The following PHLPP1 variants were observed in gnomAD, a reference collection of about 807,000 sequenced individuals.
The protein encoded by PHLPP1 is PH domain leucine-rich repeat-containing protein phosphatase 1.
A neutral mutation model predicts 117.2 loss-of-function variants in PHLPP1; 42 were observed. The ratio of observed to expected loss-of-function variants is 0.36; its 90% CI spans 0.28 to 0.46. The LOEUF (loss-of-function observed/expected upper bound fraction) is 0.46, where lower values mean the gene tolerates loss of function less well. Ranked by LOEUF, PHLPP1 falls within the 20% of genes least tolerant of loss-of-function variation. The pLI is 1.00. For synonymous variants in PHLPP1, 1,042 were observed against 970.7 expected, an observed-to-expected ratio of 1.07 and a Z score of -1.37; for missense variants, 2,084 against 2,241.9, an observed-to-expected ratio of 0.93 and a Z score of 1.42.
At chr18:62,850,171 C>T (rs1170699286) in intron 3 of PHLPP1, among the ~76,000 whole-genome samples, 1 of 151,084 alleles carries the variant, frequency 6.6e-6, no homozygotes, top group African/African-American at 2.4e-5. Context: ...AGGTGGATCA[C>T]AAGGTCAGGA....
At chr18:62,804,407 G>A (rs1329358020) in intron 1 of PHLPP1, among the ~76,000 whole-genome samples, 1 of 151,968 alleles carries the variant, frequency 6.6e-6, no homozygotes, top group Admixed American at 6.6e-5. Flanking sequence ...TTATTGGGTT[G>A]CCCTTTTTCA....
At chr18:62,743,888 A>C (rs142585290) in intron 1 of PHLPP1, among the ~76,000 whole-genome samples, 1 of 151,928 alleles carries the variant, frequency 6.6e-6, no homozygotes, top group African/African-American at 2.4e-5. Flanking sequence ...TGGTGGTTAC[A>C]TTGAAATTTT....
rs377035726 is a variant in PHLPP1 at position 62,972,732 on chromosome 18, C to T, written c.3755+24C>T. ...AGGTAAAACTCAGAGTTCCTGCTTA[C>T]CTGCTGTGTGTTTTCTTGCTCTTTG... On this transcript the variant is annotated intron_variant, in intron 15 of 16. Transcript: ENST00000262719. 3.3e-6 allele frequency: 5 copies of T among 1,537,984 alleles called. No individual in the cohort carries two copies. The African/African-American group carries it at 6.8e-5, about 21-fold the overall frequency.
At chr18:62,862,966 C>T (rs566779480) in intron 4 of PHLPP1, among the ~76,000 whole-genome samples, 3 of 151,834 alleles carry the variant, frequency 2.0e-5, no homozygotes, top group African/African-American at 4.8e-5. Flanking sequence ...GCAATCGAGA[C>T]TCTAATAAGG....
At chr18:62,954,840 C>T (rs1910567120) in intron 12 of PHLPP1, among the ~76,000 whole-genome samples, 1 of 152,124 alleles carries the variant, frequency 6.6e-6, no homozygotes, top group Non-Finnish European at 1.5e-5. Flanking sequence ...ACTGAAACAC[C>T]TTACAAGAGT....
rs1910691210 is a variant in PHLPP1 at position 62,715,613 on chromosome 18, C to T, written c.-71C>T. On this transcript the variant is annotated 5_prime_UTR_variant, in exon 1 of 17. Transcript: ENST00000262719. ...CTCCGCGCGCCGCCGCCGTCTCCCA[C>T]CTCCGCCTCATCGCCTCCCTCTCCG... 9.3e-7 allele frequency: 1 copy of T among 1,080,032 alleles called. No homozygotes were observed. Among genetic ancestry groups the T allele is most frequent in the Non-Finnish European group, 1.2e-6 (1 of 843,584 alleles). The allele number at this position is 1,080,032 out of a possible 1,614,324, so 66.9% of individuals were successfully genotyped here. A position where few individuals can be genotyped will look rare whatever the true frequency, so the allele number is the denominator to read the frequency against.
In PHLPP1 at chr18:62,979,858, TTTG is replaced by T. The variant is rs1911324226; in HGVS notation, c.*430_*432del. Reference sequence around the variant, plus strand: ...TGGGGGGAAAAGGCTTTTGTTTTGTTTTGTTTTGTTTTGTTTTGTTTTTGTCTT... The same window carrying T: ...TGGGGGGAAAAGGCTTTTGTTTTGTTTTTTGTTTTGTTTTGTTTTTGTCTT... On this transcript the variant is annotated 3_prime_UTR_variant, in exon 17 of 17. Coordinates refer to ENST00000262719, the MANE Select transcript of PHLPP1 (RefSeq NM_194449.4). 6.3e-6 allele frequency: 1 copy of T among 159,044 alleles called. No individual in the cohort carries two copies. Among genetic ancestry groups the T allele is most frequent in the South Asian group, 1.9e-4 (1 of 5,228 alleles). The allele number at this position is 159,044 out of a possible 1,614,324, so 9.9% of individuals were successfully genotyped here.
rs1269813168 is a variant in PHLPP1, at chr18:62,804,889, CAT to C, written c.1577-25141_1577-25140del. Among the ~76,000 whole-genome samples the C allele has an allele frequency of 5.0e-4, 70 of 140,766 alleles. 2 individuals carry two copies. The East Asian group carries it at 0.01, about 21-fold the overall frequency. The allele number at this position is 140,766 out of a possible 152,430, so 92.3% of individuals were successfully genotyped here. On this transcript the variant is annotated intron_variant, in intron 1 of 16. Transcript: ENST00000262719. Reference sequence around the variant, plus strand: ...TACATATACAGTATAATATACACTGCATATATTATACATATACAGTATAATAT... The same window carrying C: ...TACATATACAGTATAATATACACTGCATATTATACATATACAGTATAATAT...
At chr18:62,914,656 G>T (rs571100924) in intron 8 of PHLPP1, among the ~76,000 whole-genome samples, 1 of 152,122 alleles carries the variant, frequency 6.6e-6, no homozygotes, top group Non-Finnish European at 1.5e-5. Flanking sequence ...GGCTGATCTC[G>T]AACTCTTGGG....
At chr18:62,920,203 T>C (rs904115948) in intron 10 of PHLPP1, 89 bp downstream of exon 10, 51 of 1,203,212 alleles carry the variant, frequency 4.2e-5, no homozygotes, top group Non-Finnish European at 5.2e-5. Flanking sequence ...CTGTATAAAC[T>C]TTCTGAGTAT....
intron 10 of PHLPP1, among the ~76,000 whole-genome samples, chr18:62,924,551 G>C (rs1909566516): frequency 6.6e-6 from 1 of 151,676 alleles, no homozygotes; most frequent in Non-Finnish European, 1.5e-5. Flanking sequence ...AAGTATTACA[G>C]GGCCAGACAC....
At chr18:62,787,798 G>A (rs1599047517) in intron 1 of PHLPP1, among the ~76,000 whole-genome samples, 1 of 152,104 alleles carries the variant, frequency 6.6e-6, no homozygotes, top group South Asian at 2.1e-4. Flanking sequence ...GCGGGGGTGG[G>A]GGATAGGAAT....
intron 8 of PHLPP1, among the ~76,000 whole-genome samples, chr18:62,906,634 A>G (rs1916857258): frequency 2.9e-5 from 1 of 34,766 alleles, no homozygotes; most frequent in Non-Finnish European, 6.1e-5. Context: ...ACTATATCCC[A>G]CACCTGGCTC....
chr18:62,860,370 C>G, intron 3 of PHLPP1, 65 bp from the exon 4 acceptor site: 1 of 1,322,098 alleles, frequency 7.6e-7, no homozygotes, highest in Non-Finnish European at 1.1e-6. Flanking sequence ...TATCTTATTT[C>G]TATCCATAGA....
chr18:62,724,601 T>C (rs1268094887), intron 1 of PHLPP1, among the ~76,000 whole-genome samples: 2 of 152,238 alleles, frequency 1.3e-5, no homozygotes, highest in East Asian at 1.9e-4. Context: ...GTGTTCTTTT[T>C]TTCCCACACT....
At chr18:62,800,132 A>G (rs975406013) in intron 1 of PHLPP1, among the ~76,000 whole-genome samples, 1 of 152,066 alleles carries the variant, frequency 6.6e-6, no homozygotes, top group Non-Finnish European at 1.5e-5. Context: ...GAGGCCACCT[A>G]ATAGGGAGGG....
intron 16 of PHLPP1, 44 bp downstream of exon 16, chr18:62,975,669 AGAG>A: frequency 1.5e-6 from 2 of 1,296,554 alleles, no homozygotes; most frequent in Non-Finnish European, 2.2e-6. Flanking sequence ...AGAGGAGAGG[AGAG>A]GAGACCAGGT....
At chr18:62,758,440 T>C (rs1355415481) in intron 1 of PHLPP1, among the ~76,000 whole-genome samples, 2 of 152,198 alleles carry the variant, frequency 1.3e-5, no homozygotes, top group Non-Finnish European at 2.9e-5. Flanking sequence ...GCTGTTATGA[T>C]AGTATTCTCT....
At chr18:62,859,601 G>A (rs1430040685) in intron 3 of PHLPP1, among the ~76,000 whole-genome samples, 1 of 152,238 alleles carries the variant, frequency 6.6e-6, no homozygotes, top group Non-Finnish European at 1.5e-5. Flanking sequence ...TACAAGGTCA[G>A]TGTAAAGGTC....
Sources: gnomAD v4.1 joint callset for allele counts (sites outside exome capture counted in the v4.1 genomes callset) on GRCh38, gnomAD v4.1.1 for gene constraint, MANE v1.5 for transcripts, NCBI Gene and HGNC (gene_info 2026-07-23, HGNC 2026-07-21) for gene names.